The following ACSM3 variants were observed in gnomAD, a reference collection of about 807,000 sequenced individuals.
The protein encoded by ACSM3 is acyl-coenzyme A synthetase ACSM3, mitochondrial.
Under a neutral mutation model 74.1 loss-of-function variants are expected in ACSM3, and 61 were observed. The ratio of observed to expected loss-of-function variants is 0.82; its 90% confidence interval spans 0.67 to 1.02. The LOEUF is 1.02. Ranked by LOEUF, ACSM3 falls within the 50% of genes least tolerant of loss-of-function variation. ACSM3 has a pLI of 0.00. For synonymous variants in ACSM3, 213 were observed against 241.5 expected (o/e 0.88, Z 1.09); for missense variants, 660 against 697.0 (o/e 0.95, Z 0.60).
chr16:20,738,970 C>T (rs753221834), intron 1 of ACSM3: 5 of 1,614,222 alleles, frequency 3.1e-6, no homozygotes, highest in Non-Finnish European at 4.2e-6. Context: ...TTAACCTCAT[C>T]TCTGTAGATG....
At chr16:20,785,530 G>A (rs2080452635) in intron 8 of ACSM3, among the ~76,000 whole-genome samples, 1 of 151,856 alleles carries the variant, frequency 6.6e-6, no homozygotes, top group Admixed American at 6.6e-5. Flanking sequence ...TTTTTAAAGA[G>A]CTCATAGAGA....
chr16:20,748,850 G>A (rs2079969455), intron 1 of ACSM3, among the ~76,000 whole-genome samples: 1 of 152,182 alleles, frequency 6.6e-6, no homozygotes, highest in East Asian at 1.9e-4. Context: ...TCAGGAGTTC[G>A]AGACTAGCCT....
chr16:20,772,296 T>C (rs2080202565), intron 2 of ACSM3, among the ~76,000 whole-genome samples: 1 of 152,054 alleles, frequency 6.6e-6, no homozygotes, highest in Non-Finnish European at 1.5e-5. Context: ...TGTGTTTTCA[T>C]ATCCTTATCC....
intron 4 of ACSM3, among the ~76,000 whole-genome samples, chr16:20,777,939 C>G (rs1357950480): frequency 6.6e-6 from 1 of 152,224 alleles, no homozygotes; most frequent in Non-Finnish European, 1.5e-5. Context: ...CTCTGAAGGA[C>G]CTCCTCAAAG....
chr16:20,717,856 G>GAGGAGAAGGAGAAGA (rs895403271), intron 1 of ACSM3, among the ~76,000 whole-genome samples: 1 of 150,792 alleles, frequency 6.6e-6, no homozygotes, highest in African/African-American at 2.4e-5. Flanking sequence ...GGAGGAAGAG[G>GAGGAGAAGGAGAAGA]AGGAGAAGGA....
intron 1 of ACSM3, among the ~76,000 whole-genome samples, chr16:20,704,856 G>T (rs2079722497): frequency 6.6e-6 from 1 of 152,160 alleles, no homozygotes; most frequent in South Asian, 2.1e-4. Flanking sequence ...AAAAGAGGAT[G>T]ATTTGGGAGT....
At chr16:20,714,824 T>C (rs1228868493) in intron 1 of ACSM3, among the ~76,000 whole-genome samples, 6 of 152,146 alleles carry the variant, frequency 3.9e-5, no homozygotes, top group African/African-American at 1.4e-4. Flanking sequence ...GAGGCAAAGA[T>C]ACAAATCTGG....
At chr16:20,744,967 A>G (rs1170929457) in intron 1 of ACSM3, among the ~76,000 whole-genome samples, 5 of 152,188 alleles carry the variant, frequency 3.3e-5, no homozygotes, top group Admixed American at 2.6e-4. Flanking sequence ...AGAATATCCA[A>G]TGAAGTGAGA....
intron 1 of ACSM3, among the ~76,000 whole-genome samples, chr16:20,747,588 A>G (rs533427581): frequency 6.6e-6 from 1 of 152,264 alleles, no homozygotes; most frequent in South Asian, 2.1e-4. Context: ...CTGTCCCTTA[A>G]TTCCTGCAAC....
At chr16:20,693,360 C>T (rs564726859) in intron 1 of ACSM3, among the ~76,000 whole-genome samples, 1 of 152,230 alleles carries the variant, frequency 6.6e-6, no homozygotes, top group African/African-American at 2.4e-5. Context: ...GCCAACATGA[C>T]AGCAGGAACC....
At chr16:20,701,894 A>G (rs1274290653) in intron 1 of ACSM3, among the ~76,000 whole-genome samples, 3 of 152,212 alleles carry the variant, frequency 2.0e-5, no homozygotes, top group Non-Finnish European at 4.4e-5. Flanking sequence ...ATGGCTGCAT[A>G]GTATTCCATG....
chr16:20,743,419 G>C (rs576487010), intron 1 of ACSM3, among the ~76,000 whole-genome samples: 1 of 152,114 alleles, frequency 6.6e-6, no homozygotes, highest in South Asian at 2.1e-4. Flanking sequence ...CCATAGTCTT[G>C]GCAACTTATC....
chr16:20,711,359 G>A (rs1166640221), intron 1 of ACSM3: 8 of 419,744 alleles, frequency 1.9e-5, no homozygotes, highest in East Asian at 5.3e-5. Flanking sequence ...CAAGGCAGAG[G>A]TAACTGAAGG....
At chr16:20,709,184 G>A (rs764916910) in intron 1 of ACSM3, among the ~76,000 whole-genome samples, 6 of 152,240 alleles carry the variant, frequency 3.9e-5, no homozygotes, top group East Asian at 3.9e-4. Flanking sequence ...CCCAGGAGGC[G>A]GAGCTTACAG....
At chr16:20,677,693 G>A (rs1296586240) in intron 1 of ACSM3, among the ~76,000 whole-genome samples, 1 of 152,176 alleles carries the variant, frequency 6.6e-6, no homozygotes, top group Non-Finnish European at 1.5e-5. Context: ...ATGCAGTGGT[G>A]ACTTTGGACT....
intron 1 of ACSM3, chr16:20,738,316 A>G (rs1340417337): frequency 4.8e-6 from 2 of 413,780 alleles, no homozygotes; most frequent in South Asian, 1.8e-5. Context: ...TTTACAAAAA[A>G]AAAAAAAAAA....
intron 1 of ACSM3, among the ~76,000 whole-genome samples, chr16:20,718,842 A>G (rs896373197): frequency 6.6e-6 from 1 of 152,212 alleles, no homozygotes; most frequent in Non-Finnish European, 1.5e-5. Flanking sequence ...CATTTACACT[A>G]TTTAAAATAA....
At chr16:20,747,229 G>A (rs2079961548) in intron 1 of ACSM3, among the ~76,000 whole-genome samples, 1 of 152,134 alleles carries the variant, frequency 6.6e-6, no homozygotes, top group Non-Finnish European at 1.5e-5. Flanking sequence ...GCAGGGATGA[G>A]AAAAACAAGT....
chr16:20,747,282 A>T (rs983547587), intron 1 of ACSM3, among the ~76,000 whole-genome samples: 1 of 152,126 alleles, frequency 6.6e-6, no homozygotes, highest in Non-Finnish European at 1.5e-5. Flanking sequence ...TATCATTCTC[A>T]TAATTATTTT....
Sources: gnomAD v4.1 joint callset for allele counts (sites outside exome capture counted in the v4.1 genomes callset) on GRCh38, gnomAD v4.1.1 for gene constraint, MANE v1.5 for transcripts, NCBI Gene and HGNC (gene_info 2026-07-23, HGNC 2026-07-21) for gene names.